The following PSMF1 variants were observed in gnomAD, a reference collection of about 807,000 sequenced individuals.
PSMF1 encodes proteasome inhibitor subunit 1.
A neutral mutation model predicts 29.3 loss-of-function variants in PSMF1; 30 were observed. The ratio of observed to expected loss-of-function variants is 1.02; its 90% CI spans 0.77 to 1.39. The LOEUF is 1.39. Ranked by LOEUF, PSMF1 falls within the 40% of genes most tolerant of loss-of-function variation. The probability of loss-of-function intolerance (pLI) is 0.00; values close to 1 mark genes in which losing one functional copy is unlikely to be tolerated. For synonymous variants in PSMF1, 134 were observed against 139.7 expected (o/e 0.96, Z 0.29); for missense variants, 344 against 357.5 (o/e 0.96, Z 0.31).
intron 4 of PSMF1, among the ~76,000 whole-genome samples, chr20:1,148,799 G>C (rs780770532): frequency 2.0e-5 from 3 of 151,836 alleles, no homozygotes; most frequent in Non-Finnish European, 4.4e-5. Flanking sequence ...ACTTACACTG[G>C]AGGACCTCAA....
At chr20:1,113,674 TTC>T (rs2085988375), upstream of PSMF1, among the ~76,000 whole-genome samples, 1 of 81,172 alleles carries the variant, frequency 1.2e-5, no homozygotes. Context: ...GTTACATACT[TTC>T]TTCTTCTTCT....
chr20:1,157,124 G>C (rs917800959), intron 4 of PSMF1, among the ~76,000 whole-genome samples: 4 of 152,160 alleles, frequency 2.6e-5, no homozygotes, highest in African/African-American at 9.7e-5. Flanking sequence ...AGGCTGGGAA[G>C]CTAGGCCAGT....
At chr20:1,127,369 C>A in intron 2 of PSMF1, 57 bp from the exon 3 acceptor site, 1 of 1,338,922 alleles carries the variant, frequency 7.5e-7, no homozygotes, top group Non-Finnish European at 1.1e-6. Context: ...TCCCTTCACC[C>A]TCCCACTCTT....
chr20:1,117,369 G>A (rs142228145), upstream of PSMF1, among the ~76,000 whole-genome samples: 71 of 149,184 alleles, frequency 4.8e-4, no homozygotes, highest in African/African-American at 1.5e-3. Flanking sequence ...ACAGAAGATC[G>A]CTCTGTTGCC....
rs796622429 is a variant in PSMF1 at position 1,162,974 on chromosome 20, T to A, written c.552-156T>A. Among the ~76,000 whole-genome samples, 8 of 152,336 alleles carry A rather than the reference T, an allele frequency of 5.3e-5. No individual in the cohort carries two copies. In the East Asian group the frequency reaches 1.2e-3, roughly 22 times the overall value. On this transcript the variant is annotated intron_variant, in intron 4 of 6. Transcript: ENST00000335877. ...TTACATAATTGTCATTGTAGGATTATCATTGTTCATCTGAGCCAAGGACCA... is the reference window on the plus strand; with the variant it reads ...TTACATAATTGTCATTGTAGGATTAACATTGTTCATCTGAGCCAAGGACCA...
chr20:1,128,279 G>T (rs1033899427), intron 3 of PSMF1, among the ~76,000 whole-genome samples: 1 of 152,182 alleles, frequency 6.6e-6, no homozygotes, highest in African/African-American at 2.4e-5. Context: ...AGCAGATAGA[G>T]CTAGGAAAAT....
Position 1,166,417 on chromosome 20 carries a change from T to C in PSMF1, c.*1337T>C, listed in dbSNP as rs1202971777. 2 of 800,892 alleles carry C rather than the reference T, an allele frequency of 2.5e-6. No homozygotes were observed. Among genetic ancestry groups the C allele is most frequent in the East Asian group, 2.7e-5 (1 of 37,184 alleles). 49.6% of individuals were successfully genotyped at this position (800,892 alleles called of 1,614,324 possible). A position where few individuals can be genotyped will look rare whatever the true frequency, so the allele number is the denominator to read the frequency against. On this transcript the variant is annotated 3_prime_UTR_variant, in exon 7 of 7. Transcript: ENST00000335877. ...CCTTCCCCTAAATTAGGACCTATTA[T>C]TTACCTGTAGGTAAGCAAGCTACTG...
In PSMF1 at chr20:1,166,863, T is replaced by G. The variant is rs2086735889; in HGVS notation, c.*1783T>G. ...GTTTGCTCATAAAGACATCCTTTATTATAAAAGGAAGTATTTAAAGGATGA... is the reference window on the plus strand; with the variant it reads ...GTTTGCTCATAAAGACATCCTTTATGATAAAAGGAAGTATTTAAAGGATGA... On this transcript the variant is annotated 3_prime_UTR_variant, in exon 7 of 7. Coordinates refer to ENST00000335877, the MANE Select transcript of PSMF1 (RefSeq NM_006814.5). 1 of 152,612 alleles carries G rather than the reference T, an allele frequency of 6.6e-6. No homozygotes were observed. Among genetic ancestry groups the G allele is most frequent in the Non-Finnish European group, 1.5e-5 (1 of 68,422 alleles). The allele number at this position is 152,612 out of a possible 1,614,324, so 9.5% of individuals were successfully genotyped here.
At position 1,169,398 on chromosome 20, in the gene PSMF1, G is replaced by A. The variant is rs1415806305; in HGVS notation, c.*4318G>A. Reference sequence around the variant, plus strand: ...TGGAAGGCCCAGCCCTTGCTTGGAGGAACGTGAGGCTGATGGTGCAGTGCA... The same window carrying A: ...TGGAAGGCCCAGCCCTTGCTTGGAGAAACGTGAGGCTGATGGTGCAGTGCA... On this transcript the variant is annotated 3_prime_UTR_variant, in exon 7 of 7. Coordinates refer to ENST00000335877, the MANE Select transcript of PSMF1 (RefSeq NM_006814.5). Among the ~76,000 whole-genome samples, 2 of 152,192 alleles carry A rather than the reference G, an allele frequency of 1.3e-5. No homozygotes were observed. The highest frequency in any genetic ancestry group is 2.9e-5 in the Non-Finnish European group (2 of 68,024).
chr20:1,139,627 C>A (rs966582457), intron 4 of PSMF1, among the ~76,000 whole-genome samples: 1 of 151,928 alleles, frequency 6.6e-6, no homozygotes, highest in Non-Finnish European at 1.5e-5. Flanking sequence ...TGCTTGTAGT[C>A]CCAGCTACTC....
chr20:1,143,309 A>G (rs2086407210), intron 4 of PSMF1, among the ~76,000 whole-genome samples: 1 of 152,360 alleles, frequency 6.6e-6, no homozygotes, highest in African/African-American at 2.4e-5. Flanking sequence ...AGACATATAG[A>G]TAAGTAGAAC....
chr20:1,135,373 C>T, intron 4 of PSMF1, 67 bp downstream of exon 4: 1 of 1,468,552 alleles, frequency 6.8e-7, no homozygotes, highest in Non-Finnish European at 9.2e-7. Flanking sequence ...CTATCCCCAT[C>T]CTGCCACTTG....
intron 4 of PSMF1, among the ~76,000 whole-genome samples, chr20:1,155,138 T>C (rs1475175460): frequency 6.6e-6 from 1 of 152,176 alleles, no homozygotes. Flanking sequence ...CCCTCTGATA[T>C]CCTGCAGTCC....
chr20:1,160,731 A>G (rs1483993116), intron 4 of PSMF1: 1 of 468,854 alleles, frequency 2.1e-6, no homozygotes, highest in African/African-American at 2.0e-5. Context: ...GATGGGCCAG[A>G]AGGTCTTCTA....
At chr20:1,118,397 T>C (rs186912446), upstream of PSMF1, 3 of 193,834 alleles carry the variant, frequency 1.5e-5, no homozygotes, top group Non-Finnish European at 3.2e-5. Flanking sequence ...ATTTTGTGGA[T>C]GGGAAGTCTG....
Position 1,165,520 on chromosome 20 carries a change from T to A in PSMF1, c.*440T>A. 6.0e-6 allele frequency: 6 copies of A among 1,004,380 alleles called. No homozygotes were observed. Among genetic ancestry groups the A allele is most frequent in the Non-Finnish European group, 7.1e-6 (6 of 841,586 alleles). 62.2% of individuals were successfully genotyped at this position (1,004,380 alleles called of 1,614,324 possible). On this transcript the variant is annotated 3_prime_UTR_variant, in exon 7 of 7. Coordinates refer to ENST00000335877, the MANE Select transcript of PSMF1 (RefSeq NM_006814.5). Reference sequence around the variant, plus strand: ...ATTAATGCATAGCTGCTTCCATTTATGAGACTTTAGAGTTTGAGTTTCTGT... The same window carrying A: ...ATTAATGCATAGCTGCTTCCATTTAAGAGACTTTAGAGTTTGAGTTTCTGT...
intron 3 of PSMF1, among the ~76,000 whole-genome samples, chr20:1,133,796 G>A (rs2122504194): frequency 6.6e-6 from 1 of 151,480 alleles, no homozygotes; most frequent in Middle Eastern, 3.4e-3. Flanking sequence ...AATGTTAAGT[G>A]TAATTCAGTT....
At chr20:1,159,508 TC>T (rs1469416331) in intron 4 of PSMF1, among the ~76,000 whole-genome samples, 1 of 152,194 alleles carries the variant, frequency 6.6e-6, no homozygotes, top group African/African-American at 2.4e-5. Context: ...TCTTCTCTCT[TC>T]CCCACATTTC....
At chr20:1,129,154 C>G (rs1017275697) in intron 3 of PSMF1, among the ~76,000 whole-genome samples, 2 of 152,158 alleles carry the variant, frequency 1.3e-5, no homozygotes, top group Non-Finnish European at 2.9e-5. Context: ...GCTGGGATTA[C>G]AGGCGTGAGC....
Sources: allele counts gnomAD v4.1 joint callset (sites outside exome capture counted in the v4.1 genomes callset), GRCh38; gene constraint gnomAD v4.1.1; transcripts MANE v1.5; gene names NCBI Gene and HGNC (gene_info 2026-07-23, HGNC 2026-07-21).